The following ZMYM1 variants were observed in gnomAD, a reference collection of about 807,000 sequenced individuals.
The protein encoded by ZMYM1 is zinc finger MYM-type containing 1.
A neutral mutation model predicts 60.0 loss-of-function variants in ZMYM1; 39 were observed. That is an observed-to-expected ratio of 0.65 (90% CI 0.50 to 0.85). The LOEUF is 0.85. Ranked by LOEUF, ZMYM1 falls within the 40% of genes least tolerant of loss-of-function variation. The pLI, the probability that ZMYM1 is intolerant of heterozygous loss-of-function variation, is 0.00. For missense variants in ZMYM1, 1,171 were observed against 1,309.5 expected, an observed-to-expected ratio of 0.89 and a Z score of 1.63; for synonymous variants, 413 against 454.0, an observed-to-expected ratio of 0.91 and a Z score of 1.15.
chr1:35,071,118 C>T (rs1473723153), intron 1 of ZMYM1, among the ~76,000 whole-genome samples: 4 of 152,048 alleles, frequency 2.6e-5, no homozygotes, highest in Admixed American at 6.6e-5. Flanking sequence ...AACTCCTGAC[C>T]TCAGATGATC....
intron 4 of ZMYM1, among the ~76,000 whole-genome samples, chr1:35,098,378 A>G (rs960302348): frequency 2.0e-5 from 3 of 152,198 alleles, no homozygotes; most frequent in Admixed American, 6.5e-5. Context: ...AAGGCTGTAT[A>G]ATTATGGTTG....
chr1:35,064,162 A>C (rs573509029), intron 1 of ZMYM1, among the ~76,000 whole-genome samples: 2 of 152,162 alleles, frequency 1.3e-5, no homozygotes, highest in East Asian at 3.9e-4. Flanking sequence ...CATCTCTACT[A>C]AAAATATAAA....
chr1:35,097,588 C>T, intron 4 of ZMYM1, 22 bp downstream of exon 4: 1 of 1,611,988 alleles, frequency 6.2e-7, no homozygotes. Flanking sequence ...TAAATTATGC[C>T]CCCTTTTATT....
chr1:35,115,018 T>A lies in ZMYM1; in HGVS notation c.3188T>A (p.Ile1063Asn). ...LFIQHGLHSN[I>N]PCLSKLLYIA... ...ATTCAGCATGGTCTTCACAGTAATA[T>A]TCCTTGTCTCTCAAAGCTATTATAT... The change falls in exon 10 of 10, where the codon ATT (isoleucine) becomes AAT (asparagine). Residue 1063 changes from isoleucine to asparagine, a missense_variant. Transcript: ENST00000359858. 3 of 1,614,070 alleles carry A rather than the reference T, an allele frequency of 1.9e-6. No homozygotes were observed. Among genetic ancestry groups the A allele is most frequent in the Non-Finnish European group, 2.5e-6 (3 of 1,179,926 alleles).
rs1557620359 is a variant in ZMYM1, at chr1:35,067,346, G to A, written c.-301+7421G>A. Among the ~76,000 whole-genome samples, 8 of 151,936 alleles carry A rather than the reference G, an allele frequency of 5.3e-5. No homozygotes were observed. In the South Asian group the frequency reaches 1.7e-3, roughly 32 times the overall value. Reference sequence around the variant, plus strand: ...TCTGTTGCCCAGGCTGGAATGCAGTGGTGTGATCACAGCTCACTGCAACCT... The same window carrying A: ...TCTGTTGCCCAGGCTGGAATGCAGTAGTGTGATCACAGCTCACTGCAACCT... On this transcript the variant is annotated intron_variant, in intron 1 of 10. Coordinates refer to the ZMYM1 transcript ENST00000417119.
chr1:35,085,989 A>G (rs912860576), intron 1 of ZMYM1, among the ~76,000 whole-genome samples: 1 of 152,178 alleles, frequency 6.6e-6, no homozygotes, highest in Non-Finnish European at 1.5e-5. Flanking sequence ...GTAATGACCA[A>G]ATAGAAAAAC....
chr1:35,116,084 A>G (rs1042871915), downstream of ZMYM1, among the ~76,000 whole-genome samples: 2 of 150,726 alleles, frequency 1.3e-5, no homozygotes, highest in African/African-American at 2.4e-5. Flanking sequence ...TTTTTTTTTA[A>G]ATTAGTGAAG....
intron 1 of ZMYM1, among the ~76,000 whole-genome samples, chr1:35,091,559 G>A (rs1315486538): frequency 6.6e-6 from 1 of 151,984 alleles, no homozygotes; most frequent in Non-Finnish European, 1.5e-5. Context: ...CACAGCTCAG[G>A]AATGTTGGGG....
At chr1:35,105,602 TA>T (rs1643871202) in intron 6 of ZMYM1, among the ~76,000 whole-genome samples, 1 of 152,164 alleles carries the variant, frequency 6.6e-6, no homozygotes, top group East Asian at 1.9e-4. Flanking sequence ...CCCAGCTATT[TA>T]TTTTTTTTAT....
At chr1:35,104,860 T>G (rs1469778250) in intron 6 of ZMYM1, 91 bp downstream of exon 6, 2 of 1,015,500 alleles carry the variant, frequency 2.0e-6, no homozygotes, top group African/African-American at 3.2e-5. Context: ...TGGTACCCTT[T>G]GGAATAATGT....
At chr1:35,111,702 G>A in intron 7 of ZMYM1, 70 bp from the exon 8 acceptor site, 3 of 1,397,510 alleles carry the variant, frequency 2.1e-6, no homozygotes, top group East Asian at 2.4e-5. Flanking sequence ...TCTTTAAACA[G>A]TATTACTAAA....
intron 1 of ZMYM1, among the ~76,000 whole-genome samples, chr1:35,062,216 G>C (rs1408831243): frequency 6.6e-6 from 1 of 152,114 alleles, no homozygotes; most frequent in Admixed American, 6.6e-5. Flanking sequence ...ACCCAGTTGA[G>C]GTAGTGACTT....
At chr1:35,062,167 C>T (rs557256662) in intron 1 of ZMYM1, among the ~76,000 whole-genome samples, 5 of 152,060 alleles carry the variant, frequency 3.3e-5, no homozygotes, top group Non-Finnish European at 7.3e-5. Context: ...GTCAATTATT[C>T]GCATTCTAGT....
At chr1:35,112,184 G>A (rs1185869870) in intron 9 of ZMYM1, 54 bp downstream of exon 9, 27 of 1,570,916 alleles carry the variant, frequency 1.7e-5, no homozygotes, top group Non-Finnish European at 2.1e-5. Context: ...GATTTTTGTT[G>A]TTGTTGTTGT....
At chr1:35,073,988 A>G (rs918785266) in intron 1 of ZMYM1, among the ~76,000 whole-genome samples, 6 of 152,124 alleles carry the variant, frequency 3.9e-5, no homozygotes, top group Admixed American at 2.0e-4. Context: ...AGCTTTCACC[A>G]TATTGGCCAG....
At chr1:35,075,696 C>G (rs917760893), upstream of ZMYM1, among the ~76,000 whole-genome samples, 1 of 152,140 alleles carries the variant, frequency 6.6e-6, no homozygotes, top group African/African-American at 2.4e-5. Flanking sequence ...ACACCAATTC[C>G]AAATATGCCT....
chr1:35,095,707 T>C (rs559958636), intron 2 of ZMYM1, 112 bp from the exon 3 acceptor site: 82 of 874,760 alleles, frequency 9.4e-5, no homozygotes, highest in Admixed American at 1.2e-4. Flanking sequence ...AATTCAGTTA[T>C]ACAATTCATT....
downstream of ZMYM1, among the ~76,000 whole-genome samples, chr1:35,116,824 C>G (rs955635442): frequency 1.4e-5 from 2 of 140,472 alleles, no homozygotes; most frequent in Non-Finnish European, 3.0e-5. Context: ...GTATATATAT[C>G]TAGGCCTGGA....
Position 35,064,849 on chromosome 1 carries a change from G to A in ZMYM1, c.-301+4924G>A, listed in dbSNP as rs573582713. ...ACTACAGGCGCCCGCCACCACACCCGGCTAATTTTTTGTATTTTTAGTAGA... is the reference window on the plus strand; with the variant it reads ...ACTACAGGCGCCCGCCACCACACCCAGCTAATTTTTTGTATTTTTAGTAGA... On this transcript the variant is annotated intron_variant, in intron 1 of 10. Coordinates refer to the ZMYM1 transcript ENST00000417119. Among the ~76,000 whole-genome samples, 77 of 151,638 alleles carry A rather than the reference G, an allele frequency of 5.1e-4. 1 individual carries two copies. The highest frequency in any genetic ancestry group is 1.5e-3 in the African/African-American group (64 of 41,354).
Sources: allele counts gnomAD v4.1 joint callset (sites outside exome capture counted in the v4.1 genomes callset), GRCh38; gene constraint gnomAD v4.1.1; transcripts MANE v1.5; gene names NCBI Gene and HGNC (gene_info 2026-07-23, HGNC 2026-07-21).